BPNT1: variants seen among roughly 807,000 people sequenced by gnomAD.
BPNT1 encodes 3'(2'), 5'-bisphosphate nucleotidase 1, also known as 3'(2'),5'-bisphosphate nucleotidase 1.
A neutral mutation model predicts 36.9 loss-of-function variants in BPNT1; 28 were observed. The ratio of observed to expected loss-of-function variants is 0.76; its 90% CI spans 0.56 to 1.04. The LOEUF (loss-of-function observed/expected upper bound fraction) is 1.04. BPNT1 is among the 50% of genes least tolerant of loss of function. The pLI is 0.00. For synonymous variants in BPNT1, 119 were observed against 130.9 expected, an observed-to-expected ratio of 0.91 and a Z score of 0.62; for missense variants, 313 against 372.9, an observed-to-expected ratio of 0.84 and a Z score of 1.32.
At chr1:220,084,070 C>G (rs190095565) in intron 1 of BPNT1, among the ~76,000 whole-genome samples, 2 of 152,190 alleles carry the variant, frequency 1.3e-5, no homozygotes, top group East Asian at 3.9e-4. Flanking sequence ...CAGTGGCTCA[C>G]GCATGTAATC....
intron 1 of BPNT1, among the ~76,000 whole-genome samples, chr1:220,081,924 C>G (rs539913436): frequency 1.9e-4 from 29 of 151,846 alleles, no homozygotes; most frequent in African/African-American, 6.8e-4. Flanking sequence ...ATTCCGAAAG[C>G]ACTCCCTAAT....
intron 5 of BPNT1, 76 bp downstream of exon 5, chr1:220,069,308 A>C (rs1054824943): frequency 1.7e-4 from 203 of 1,200,410 alleles, no homozygotes; most frequent in Non-Finnish European, 2.2e-4. Context: ...ACAACATACA[A>C]AATATCAAAT....
Position 220,058,780 on chromosome 1 carries a change from C to T in BPNT1, c.*64G>A, listed in dbSNP as rs1442104148. 14 of 1,483,560 alleles carry T rather than the reference C, an allele frequency of 9.4e-6. No homozygotes were observed. The highest frequency in any genetic ancestry group is 2.3e-5 in the South Asian group (2 of 86,934). The allele number at this position is 1,483,560 out of a possible 1,614,324, so 91.9% of individuals were successfully genotyped here. A position where few individuals can be genotyped will look rare whatever the true frequency, so the allele number is the denominator to read the frequency against. ...CTGAGCTCAAGTGATCCACCTGCCT[C>T]GGCCTCCCAAAGTGCTGGGATTACA... is the stretch of plus-strand genomic sequence containing the variant. On this transcript the variant is annotated 3_prime_UTR_variant, in exon 9 of 9. Transcript: ENST00000322067.
intron 3 of BPNT1, 133 bp from the exon 4 acceptor site, chr1:220,073,090 T>C: frequency 3.7e-6 from 3 of 805,450 alleles, no homozygotes; most frequent in Non-Finnish European, 3.9e-6. Context: ...TATTTAGAGC[T>C]TTTAAAGCAA....
chr1:220,078,437 A>G (rs1664778863), intron 2 of BPNT1, among the ~76,000 whole-genome samples: 1 of 138,380 alleles, frequency 7.2e-6, no homozygotes, highest in Admixed American at 7.9e-5. Flanking sequence ...ATAATTATAT[A>G]TAATAATTAT....
chr1:220,071,914 C>T (rs568833829), intron 4 of BPNT1, among the ~76,000 whole-genome samples: 12 of 151,896 alleles, frequency 7.9e-5, no homozygotes, highest in African/African-American at 2.9e-4. Context: ...CTTGAACTCT[C>T]GACCTCAGGT....
intron 1 of BPNT1, among the ~76,000 whole-genome samples, chr1:220,084,532 C>A (rs902053502): frequency 2.6e-5 from 4 of 152,258 alleles, no homozygotes; most frequent in Admixed American, 6.5e-5. Flanking sequence ...TATGCTCCTT[C>A]AATTCCCATG....
chr1:220,083,471 CGCCCGGCTAATTTTTTGTAGTTTT>C (rs1655411965), intron 1 of BPNT1, among the ~76,000 whole-genome samples: 3 of 151,946 alleles, frequency 2.0e-5, no homozygotes, highest in Admixed American at 2.0e-4. Flanking sequence ...CCCGCCACTG[CGCCCGGCTAATTTTTTGTAGTTTT>C]AGTACAGATG....
In BPNT1 at chr1:220,074,656, C is replaced by T. The variant is rs572050269; in HGVS notation, c.121-585G>A. 3.3e-5 allele frequency among the ~76,000 whole-genome samples: 5 copies of T among 151,840 alleles called. No homozygotes were observed. In the South Asian group the frequency reaches 8.4e-4, roughly 25 times the overall value. On this transcript the variant is annotated intron_variant, in intron 2 of 8. Coordinates refer to ENST00000322067, the MANE Select transcript of BPNT1 (RefSeq NM_006085.6). ...GACTACAGGCACGTGCCACCATGCCCGGCTAATTTTTTGTATCTTAGTAGA... is the reference window on the plus strand; with the variant it reads ...GACTACAGGCACGTGCCACCATGCCTGGCTAATTTTTTGTATCTTAGTAGA...
At chr1:220,082,709 C>G (rs533277804) in intron 1 of BPNT1, among the ~76,000 whole-genome samples, 1 of 151,792 alleles carries the variant, frequency 6.6e-6, no homozygotes, top group Non-Finnish European at 1.5e-5. Context: ...GCTTCAGCCT[C>G]CCGAGTAGCT....
intron 7 of BPNT1, among the ~76,000 whole-genome samples, chr1:220,062,142 CTTT>C (rs973508667): frequency 6.8e-6 from 1 of 146,836 alleles, no homozygotes; most frequent in African/African-American, 2.5e-5. Flanking sequence ...ACGCTTATTT[CTTT>C]TTTTTTTATT....
chr1:220,073,273 G>A (rs1480606467), intron 3 of BPNT1, among the ~76,000 whole-genome samples: 2 of 152,078 alleles, frequency 1.3e-5, no homozygotes, highest in East Asian at 3.9e-4. Flanking sequence ...TGAGATGTCA[G>A]TTCCCTCACT....
At chr1:220,082,155 G>GTATTTTATATA (rs1366662908) in intron 1 of BPNT1, among the ~76,000 whole-genome samples, 2 of 140,326 alleles carry the variant, frequency 1.4e-5, no homozygotes, top group African/African-American at 5.2e-5. Flanking sequence ...TGATATATAT[G>GTATTTTATATA]TATTTTATAT....
At chr1:220,060,067 A>G (rs1404774469) in intron 7 of BPNT1, among the ~76,000 whole-genome samples, 2 of 152,234 alleles carry the variant, frequency 1.3e-5, no homozygotes, top group Non-Finnish European at 2.9e-5. Flanking sequence ...CCATATTCCA[A>G]GTTACATAAA....
At chr1:220,064,510 G>C (rs1423619677) in intron 6 of BPNT1, among the ~76,000 whole-genome samples, 2 of 152,150 alleles carry the variant, frequency 1.3e-5, no homozygotes, top group African/African-American at 2.4e-5. Flanking sequence ...GTTCCTATGC[G>C]GGGAGTCTGG....
intron 1 of BPNT1, among the ~76,000 whole-genome samples, chr1:220,088,107 C>T (rs1169463260): frequency 6.6e-6 from 1 of 151,950 alleles, no homozygotes; most frequent in Non-Finnish European, 1.5e-5. Context: ...GAACTTCCGA[C>T]CTCATGGCCT....
rs1432945409 is a variant in BPNT1, at chr1:220,062,806, G to T, written c.623C>A (p.Ala208Asp). 1.2e-6 allele frequency: 2 copies of T among 1,614,178 alleles called. No individual in the cohort carries two copies. The highest frequency in any genetic ancestry group is 3.3e-5 in the Admixed American group (2 of 60,006). The change falls in exon 7 of 9, where the codon GCT (alanine) becomes GAT (aspartate). Residue 208 changes from alanine to aspartate, a missense_variant. By Grantham distance (126) the Ala-to-Asp change is moderately radical (BLOSUM62 -2). Coordinates refer to ENST00000322067, the MANE Select transcript of BPNT1 (RefSeq NM_006085.6). ...HSNKLVTDCV[A>D]AMNPDAVLRV... ...CAGCACAGCATCGGGGTTCATAGCAGCAACACAGTCAGTAACCAACTTGTT... is the reference window on the plus strand; with the variant it reads ...CAGCACAGCATCGGGGTTCATAGCATCAACACAGTCAGTAACCAACTTGTT...
chr1:220,062,961 A>G lies in BPNT1; in HGVS notation c.475-7T>C. 6.2e-7 allele frequency: 1 copy of G among 1,613,920 alleles called. No homozygotes were observed. Among genetic ancestry groups the G allele is most frequent in the Non-Finnish European group, 8.5e-7 (1 of 1,179,790 alleles). Reference sequence around the variant, plus strand: ...ACACAGCATCTGGTCCTGCCTGTGTAAACGAGTGAAACAACAAGACTTGTG... The same window carrying G: ...ACACAGCATCTGGTCCTGCCTGTGTGAACGAGTGAAACAACAAGACTTGTG... On this transcript the variant is annotated splice_polypyrimidine_tract_variant and splice_region_variant and intron_variant, in intron 6 of 8. Coordinates refer to ENST00000322067, the MANE Select transcript of BPNT1 (RefSeq NM_006085.6).
At chr1:220,061,487 T>C (rs914786151) in intron 7 of BPNT1, among the ~76,000 whole-genome samples, 2 of 151,152 alleles carry the variant, frequency 1.3e-5, no homozygotes, top group African/African-American at 2.4e-5. Flanking sequence ...TGAGCCGAGA[T>C]TGTGCCATTG....
Sources: allele counts gnomAD v4.1 joint callset (sites outside exome capture counted in the v4.1 genomes callset), GRCh38; gene constraint gnomAD v4.1.1; transcripts MANE v1.5; gene names NCBI Gene and HGNC (gene_info 2026-07-23, HGNC 2026-07-21).